Variants in MYO16 observed in about 807,000 individuals in gnomAD.
MYO16 encodes the protein unconventional myosin-XVI.
In MYO16, 94 loss-of-function variants were observed where a neutral mutation model predicts 205.3. The ratio of observed to expected loss-of-function variants is 0.46; its 90% CI spans 0.39 to 0.54. The LOEUF is 0.54. Ranked by LOEUF, MYO16 falls within the 20% of genes least tolerant of loss-of-function variation. The probability of loss-of-function intolerance (pLI) is 0.00; values close to 1 mark genes in which losing one functional copy is unlikely to be tolerated. For missense variants in MYO16, 2,315 were observed against 2,387.5 expected (o/e 0.97, Z 0.63); for synonymous variants, 988 against 954.0 (o/e 1.04, Z -0.66).
chr13:109,161,259 G>A (rs947682119), intron 32 of MYO16, among the ~76,000 whole-genome samples: 3 of 152,162 alleles, frequency 2.0e-5, no homozygotes, highest in Admixed American at 6.5e-5. Flanking sequence ...TGGTAAACTC[G>A]TCACAGGAAA....
intron 4 of MYO16, among the ~76,000 whole-genome samples, chr13:108,784,193 C>T (rs1351425572): frequency 6.6e-6 from 1 of 152,070 alleles, no homozygotes; most frequent in African/African-American, 2.4e-5. Flanking sequence ...GGAAAAGAAT[C>T]ATTAGCAAAG....
intron 23 of MYO16, among the ~76,000 whole-genome samples, chr13:109,029,651 A>C (rs2139551973): frequency 6.6e-6 from 1 of 152,280 alleles, no homozygotes; most frequent in South Asian, 2.1e-4. Context: ...ATACTCTTAA[A>C]AGCTATTTGA....
At chr13:108,799,642 A>G (rs577442967) in intron 6 of MYO16, among the ~76,000 whole-genome samples, 4 of 152,268 alleles carry the variant, frequency 2.6e-5, no homozygotes, top group South Asian at 4.1e-4. Context: ...TTTCTCACCC[A>G]AGTTTTCACC....
At chr13:108,759,293 T>C (rs1262894080) in intron 4 of MYO16, among the ~76,000 whole-genome samples, 1 of 152,238 alleles carries the variant, frequency 6.6e-6, no homozygotes, top group East Asian at 1.9e-4. Flanking sequence ...TGTGTTTATG[T>C]AGATACGAGA....
intron 4 of MYO16, among the ~76,000 whole-genome samples, chr13:108,766,776 A>T (rs1276357546): frequency 2.0e-5 from 3 of 152,204 alleles, no homozygotes; most frequent in South Asian, 2.1e-4. Flanking sequence ...TTTTTATGAA[A>T]ACAGTTTGCT....
At chr13:109,155,997 A>G (rs963811118) in intron 32 of MYO16, among the ~76,000 whole-genome samples, 2 of 152,228 alleles carry the variant, frequency 1.3e-5, no homozygotes, top group African/African-American at 4.8e-5. Context: ...AAAAGAAAAC[A>G]AATCACTTCC....
upstream of MYO16, among the ~76,000 whole-genome samples, chr13:108,595,047 A>G (rs1878507039): frequency 1.3e-5 from 2 of 152,146 alleles, no homozygotes; most frequent in Admixed American, 6.5e-5. Flanking sequence ...CCTGACTTTA[A>G]ATTCTTAAAT....
intron 23 of MYO16, among the ~76,000 whole-genome samples, chr13:109,028,759 T>C (rs1886448322): frequency 6.6e-6 from 1 of 151,516 alleles, no homozygotes; most frequent in Non-Finnish European, 1.5e-5. Context: ...GATAAAATTG[T>C]AATCTCAGAC....
upstream of MYO16, among the ~76,000 whole-genome samples, chr13:108,595,396 T>C (rs1878519022): frequency 6.6e-6 from 1 of 152,178 alleles, no homozygotes; most frequent in South Asian, 2.1e-4. Flanking sequence ...TGATATGTTT[T>C]ATAAAGAGCC....
chr13:108,867,010 A>C (rs902587198), intron 12 of MYO16, among the ~76,000 whole-genome samples: 4 of 152,094 alleles, frequency 2.6e-5, no homozygotes, highest in Admixed American at 6.6e-5. Context: ...TCATGAGAAC[A>C]AGAGAGCATC....
At chr13:108,992,581 T>C in intron 21 of MYO16, 133 bp downstream of exon 21, 1 of 563,304 alleles carries the variant, frequency 1.8e-6, no homozygotes, top group South Asian at 2.6e-5. Context: ...GTTTTAAAAT[T>C]AATATCTCTG....
chr13:109,087,576 G>A (rs2139682359), intron 27 of MYO16, among the ~76,000 whole-genome samples: 2 of 152,344 alleles, frequency 1.3e-5, no homozygotes, highest in South Asian at 4.1e-4. Context: ...AACCCAGGAG[G>A]TGGAGGTTGC....
chr13:108,812,459 T>C (rs931528068), intron 7 of MYO16, among the ~76,000 whole-genome samples: 2 of 152,152 alleles, frequency 1.3e-5, no homozygotes, highest in Non-Finnish European at 2.9e-5. Flanking sequence ...GTGTGAGCAG[T>C]AGGTGAGTGC....
intron 22 of MYO16, among the ~76,000 whole-genome samples, chr13:109,017,851 G>C (rs1723011306): frequency 6.7e-6 from 1 of 150,032 alleles, no homozygotes; most frequent in Non-Finnish European, 1.5e-5. Flanking sequence ...GGTTATTCTA[G>C]TTAGCCATTC....
At chr13:108,958,267 A>G (rs890959522) in intron 17 of MYO16, among the ~76,000 whole-genome samples, 4 of 148,940 alleles carry the variant, frequency 2.7e-5, no homozygotes, top group African/African-American at 9.8e-5. Flanking sequence ...TATATATTTT[A>G]TATATGTATC....
intron 2 of MYO16, among the ~76,000 whole-genome samples, chr13:108,669,455 GAA>G (rs1468199315): frequency 6.6e-6 from 1 of 152,080 alleles, no homozygotes; most frequent in Admixed American, 6.5e-5. Context: ...AAAGAGGAGA[GAA>G]ATGGAAAGAT....
intron 4 of MYO16, among the ~76,000 whole-genome samples, chr13:108,769,505 G>A (rs529250942): frequency 6.6e-6 from 1 of 152,178 alleles, no homozygotes; most frequent in Non-Finnish European, 1.5e-5. Context: ...TTGACTGAGA[G>A]GGGGAGGCAA....
intron 23 of MYO16, among the ~76,000 whole-genome samples, chr13:109,029,831 T>A (rs1240575354): frequency 2.0e-5 from 3 of 152,200 alleles, no homozygotes; most frequent in African/African-American, 7.2e-5. Flanking sequence ...ATCCACCTTT[T>A]CTTACCTAGG....
rs574620187 is a variant in MYO16 at position 109,094,500 on chromosome 13, T to C, written c.3336-6285T>C. On this transcript the variant is annotated intron_variant, in intron 27 of 34. Transcript: ENST00000457511. ...TGCTAGGACAACAGGCGTGAGCCAC[T>C]GTTCCCAGCCCTTATTTACTTTTCT... Among the ~76,000 whole-genome samples, 10 of 152,358 alleles carry C rather than the reference T, an allele frequency of 6.6e-5. No homozygotes were observed. The South Asian group carries it at 2.1e-3, about 32-fold the overall frequency.
Sources: gnomAD v4.1 joint callset for allele counts (sites outside exome capture counted in the v4.1 genomes callset) on GRCh38, gnomAD v4.1.1 for gene constraint, MANE v1.5 for transcripts, NCBI Gene and HGNC (gene_info 2026-07-23, HGNC 2026-07-21) for gene names.